Variants in ASIC2 observed in about 807,000 individuals in gnomAD.
ASIC2 encodes the protein acid-sensing ion channel 2.
ASIC2 carries 25 observed loss-of-function variants against 57.3 expected under a neutral mutation model. The observed-to-expected ratio is 0.44, with a 90% CI of 0.32 to 0.61. The LOEUF (loss-of-function observed/expected upper bound fraction) is 0.61. ASIC2 is among the 20% of genes least tolerant of loss of function. The pLI is 0.06. For synonymous variants in ASIC2, 319 were observed against 307.5 expected (o/e 1.04, Z -0.39); for missense variants, 641 against 738.1 (o/e 0.87, Z 1.52).
chr17:33,224,616 G>C (rs1198564224), intron 1 of ASIC2, among the ~76,000 whole-genome samples: 1 of 152,190 alleles, frequency 6.6e-6, no homozygotes, highest in East Asian at 1.9e-4. Flanking sequence ...GGGGAGGAAA[G>C]TGCCTCCTTT....
chr17:33,141,021 T>A (rs575049291), intron 1 of ASIC2, among the ~76,000 whole-genome samples: 3 of 152,234 alleles, frequency 2.0e-5, no homozygotes, highest in Non-Finnish European at 4.4e-5. Context: ...CTCTGGGGGC[T>A]CTGAGTTGCA....
chr17:33,343,311 T>A (rs991387600), intron 1 of ASIC2, among the ~76,000 whole-genome samples: 8 of 152,178 alleles, frequency 5.3e-5, no homozygotes, highest in African/African-American at 1.9e-4. Context: ...TCAGAGGACT[T>A]CTGCTCCCTC....
chr17:33,858,626 C>T (rs1197129658), intron 1 of ASIC2, among the ~76,000 whole-genome samples: 1 of 152,246 alleles, frequency 6.6e-6, no homozygotes, highest in Non-Finnish European at 1.5e-5. Flanking sequence ...CCAGGTACTA[C>T]TGATAGCCTG....
chr17:33,026,138 T>A (rs1444490199), intron 4 of ASIC2, among the ~76,000 whole-genome samples, 156 bp from the exon 5 acceptor site: 2 of 152,182 alleles, frequency 1.3e-5, no homozygotes, highest in Admixed American at 6.5e-5. Context: ...TGGATCACAG[T>A]GCACCCCAGA....
chr17:33,362,399 G>A (rs1422112555), intron 1 of ASIC2, among the ~76,000 whole-genome samples: 2 of 152,238 alleles, frequency 1.3e-5, no homozygotes, highest in Non-Finnish European at 2.9e-5. Flanking sequence ...TCAGTGCAGA[G>A]AGGAAGACAA....
intron 1 of ASIC2, among the ~76,000 whole-genome samples, chr17:34,014,642 A>C (rs376915079): frequency 2.0e-3 from 305 of 152,308 alleles, no homozygotes; most frequent in African/African-American, 7.1e-3. Context: ...GCAGCTTCAG[A>C]ACAGAAGCCT....
chr17:33,141,810 T>G (rs752332408), intron 1 of ASIC2, among the ~76,000 whole-genome samples: 6 of 152,238 alleles, frequency 3.9e-5, no homozygotes, highest in Non-Finnish European at 8.8e-5. Context: ...TAACTCATCA[T>G]GTTTCCATGC....
intron 1 of ASIC2, among the ~76,000 whole-genome samples, chr17:33,754,129 T>C (rs1567706954): frequency 6.6e-6 from 1 of 152,160 alleles, no homozygotes; most frequent in Non-Finnish European, 1.5e-5. Context: ...ACCACCTCTC[T>C]ATCCCTGTTC....
At chr17:33,269,687 C>CTTCCTTCTTTCCTTT (rs1904392629) in intron 1 of ASIC2, among the ~76,000 whole-genome samples, 1 of 63,806 alleles carries the variant, frequency 1.6e-5, no homozygotes, top group Non-Finnish European at 3.3e-5. Flanking sequence ...TCCCTCCCTC[C>CTTCCTTCTTTCCTTT]TGCCTGCCTG....
intron 1 of ASIC2, among the ~76,000 whole-genome samples, chr17:33,407,100 T>C (rs943664321): frequency 3.9e-5 from 6 of 152,250 alleles, no homozygotes; most frequent in African/African-American, 1.4e-4. Context: ...TTGTATAATG[T>C]AGATAATATT....
chr17:33,221,017 A>G (rs76376123), intron 1 of ASIC2, among the ~76,000 whole-genome samples: 3,503 of 152,272 alleles, frequency 0.023, 92 homozygotes, highest in East Asian at 0.14. Flanking sequence ...GTTTGCAGTG[A>G]GCTGACTTAC....
chr17:33,216,371 G>C (rs1223448749), intron 1 of ASIC2, among the ~76,000 whole-genome samples: 1 of 152,212 alleles, frequency 6.6e-6, no homozygotes, highest in Non-Finnish European at 1.5e-5. Flanking sequence ...GAGATGGAAG[G>C]CAGTTTGCAA....
chr17:33,133,428 G>A (rs1334157946), intron 1 of ASIC2, among the ~76,000 whole-genome samples: 1 of 152,194 alleles, frequency 6.6e-6, no homozygotes, highest in South Asian at 2.1e-4. Flanking sequence ...ATGGGGAACT[G>A]AAGGCTGGGT....
chr17:33,217,040 G>A (rs1907516429), intron 1 of ASIC2, among the ~76,000 whole-genome samples: 1 of 152,226 alleles, frequency 6.6e-6, no homozygotes, highest in African/African-American at 2.4e-5. Flanking sequence ...CCCAGTGACT[G>A]TCAGAATATT....
intron 1 of ASIC2, among the ~76,000 whole-genome samples, chr17:33,849,975 G>A (rs1913720614): frequency 1.3e-5 from 2 of 152,182 alleles, no homozygotes; most frequent in South Asian, 4.2e-4. Flanking sequence ...AGTAACAACA[G>A]TAGATATACA....
At chr17:34,089,281 A>C (rs78995393) in intron 1 of ASIC2, among the ~76,000 whole-genome samples, 5,144 of 152,266 alleles carry the variant, frequency 0.034, 274 homozygotes, top group African/African-American at 0.11. Context: ...GGGTAGATAG[A>C]AGTTTTGCCT....
intron 1 of ASIC2, among the ~76,000 whole-genome samples, chr17:33,225,907 C>A (rs1365961046): frequency 6.6e-6 from 1 of 152,228 alleles, no homozygotes; most frequent in Non-Finnish European, 1.5e-5. Context: ...TTCCTACCAT[C>A]ATCACATTAG....
Position 33,291,937 on chromosome 17 carries a change from G to T in ASIC2, c.179C>A (p.Ser60Ter), listed in dbSNP as rs1253695117. Reference protein sequence around the residue: ...GPGVARRGRPSLSRAKLHGLR... With the variant: ...GPGVARRGRP ...CCCGTGCAGTTTAGCGCGGCTCAGC[G>T]ATGGCCGCCCCCTGCGGGCGACCCC... Residue 60 changes from serine to a stop codon, truncating the protein, a stop_gained, in exon 1 of 10, where the codon TCG becomes TAG. Coordinates refer to ENST00000225823, the MANE Select transcript of ASIC2 (RefSeq NM_183377.2). LOFTEE classifies it high-confidence loss of function. 2.6e-6 allele frequency: 4 copies of T among 1,545,504 alleles called. No homozygotes were observed. Among genetic ancestry groups the T allele is most frequent in the Non-Finnish European group, 3.5e-6 (4 of 1,154,800 alleles).
intron 1 of ASIC2, among the ~76,000 whole-genome samples, chr17:33,341,595 G>T (rs911533629): frequency 4.6e-5 from 7 of 152,160 alleles, no homozygotes; most frequent in African/African-American, 1.7e-4. Context: ...AAAAACAGTT[G>T]TCAACCTCAG....
Sources: gnomAD v4.1 joint callset for allele counts (sites outside exome capture counted in the v4.1 genomes callset) on GRCh38, gnomAD v4.1.1 for gene constraint, MANE v1.5 for transcripts, NCBI Gene and HGNC (gene_info 2026-07-23, HGNC 2026-07-21) for gene names.